Variants in NALF1 observed in about 807,000 individuals in gnomAD.
NALF1 encodes family with sequence similarity 155 member A.
In NALF1, 3 loss-of-function variants were observed where a neutral mutation model predicts 48.4. That is an observed-to-expected ratio of 0.06 (90% CI 0.03 to 0.16). The LOEUF (loss-of-function observed/expected upper bound fraction) is 0.16, where lower values mean the gene tolerates loss of function less well. NALF1 is among the 10% of genes least tolerant of loss of function. NALF1 has a pLI of 1.00. For synonymous variants in NALF1, 262 were observed against 245.7 expected (o/e 1.07, Z -0.62); for missense variants, 526 against 571.5 (o/e 0.92, Z 0.81).
intron 1 of NALF1, among the ~76,000 whole-genome samples, chr13:107,608,456 T>C (rs1462099960): frequency 3.3e-5 from 5 of 152,186 alleles, no homozygotes; most frequent in Non-Finnish European, 7.3e-5. Flanking sequence ...AAAATAAATA[T>C]TGTTTTTAAG....
intron 1 of NALF1, among the ~76,000 whole-genome samples, chr13:107,540,224 G>T (rs1310400134): frequency 6.6e-6 from 1 of 152,148 alleles, no homozygotes; most frequent in East Asian, 1.9e-4. Flanking sequence ...GTAGGAATAG[G>T]ATTTTACATG....
At chr13:107,537,521 G>T (rs1876863845) in intron 1 of NALF1, among the ~76,000 whole-genome samples, 2 of 152,026 alleles carry the variant, frequency 1.3e-5, no homozygotes, top group African/African-American at 2.4e-5. Flanking sequence ...TATTTTTACA[G>T]ATTCATGCTA....
At chr13:107,504,399 T>C (rs1594099045) in intron 1 of NALF1, among the ~76,000 whole-genome samples, 1 of 152,206 alleles carries the variant, frequency 6.6e-6, no homozygotes, top group Non-Finnish European at 1.5e-5. Flanking sequence ...TGTGGAGGGA[T>C]TTTTGTTAAG....
intron 1 of NALF1, among the ~76,000 whole-genome samples, chr13:107,279,176 T>G (rs933754988): frequency 6.6e-6 from 1 of 151,764 alleles, no homozygotes; most frequent in South Asian, 2.1e-4. Context: ...TCTCAAAACA[T>G]TCATCTACTC....
At chr13:107,685,743 C>A (rs1042304898) in intron 1 of NALF1, among the ~76,000 whole-genome samples, 1 of 152,156 alleles carries the variant, frequency 6.6e-6, no homozygotes, top group Admixed American at 6.5e-5. Flanking sequence ...TAATAAAGAG[C>A]AGCAACATGG....
Position 107,170,468 on chromosome 13 carries a change from C to G in NALF1, c.*29G>C. The G allele has an allele frequency of 6.4e-7, 1 of 1,555,506 alleles. No homozygotes were observed. Among genetic ancestry groups the G allele is most frequent in the Non-Finnish European group, 8.7e-7 (1 of 1,150,682 alleles). On this transcript the variant is annotated 3_prime_UTR_variant, in exon 3 of 3. Transcript: ENST00000375915. ...GTTGCCATTTTTCACGGCGGGCCAG[C>G]TGCTGCTGTGGTGACACTCGTCCTT...
intron 2 of NALF1, among the ~76,000 whole-genome samples, chr13:107,186,315 T>G (rs1301134422): frequency 6.6e-6 from 1 of 152,174 alleles, no homozygotes; most frequent in Non-Finnish European, 1.5e-5. Context: ...CTCCACTAAA[T>G]TTTTCCAACT....
At chr13:107,308,197 T>C (rs535854344) in intron 1 of NALF1, among the ~76,000 whole-genome samples, 1 of 132,134 alleles carries the variant, frequency 7.6e-6, no homozygotes, top group African/African-American at 2.6e-5. Flanking sequence ...TTTGTGTCTA[T>C]GCTTTTTTTT....
chr13:107,604,868 G>A (rs756440493), intron 1 of NALF1, among the ~76,000 whole-genome samples: 4 of 152,144 alleles, frequency 2.6e-5, no homozygotes, highest in African/African-American at 9.7e-5. Context: ...TGTTAGCCAT[G>A]AGATCGTGAT....
intron 1 of NALF1, among the ~76,000 whole-genome samples, chr13:107,716,581 A>G (rs1875827254): frequency 1.3e-5 from 2 of 152,184 alleles, no homozygotes. Flanking sequence ...CACATTTACA[A>G]ATCTTTACAG....
rs1052821226 is a variant in NALF1 at position 107,763,210 on chromosome 13, CG to C, written c.915+102471del. On this transcript the variant is annotated intron_variant, in intron 1 of 2. Transcript: ENST00000375915. ...ACAAAAATGAGAAAATCAATATCCC[CG>C]CAAGTAAAGGATATCCAGTTAAAGT... is the stretch of plus-strand genomic sequence containing the variant. Among the ~76,000 whole-genome samples the C allele has an allele frequency of 5.3e-5, 8 of 151,846 alleles. No homozygotes were observed. The East Asian group carries it at 1.5e-3, about 29-fold the overall frequency.
At chr13:107,628,941 G>A (rs1224023383) in intron 1 of NALF1, among the ~76,000 whole-genome samples, 4 of 152,026 alleles carry the variant, frequency 2.6e-5, no homozygotes, top group African/African-American at 9.7e-5. Flanking sequence ...CTCTCTTAGG[G>A]AATGCCTTTT....
chr13:107,207,164 A>AT (rs897621751), intron 2 of NALF1, among the ~76,000 whole-genome samples: 2 of 152,136 alleles, frequency 1.3e-5, no homozygotes, highest in African/African-American at 2.4e-5. Context: ...ACCTACTCTC[A>AT]TTTTTTTATT....
In NALF1 at chr13:107,229,718, C is replaced by A. The variant is rs537163444; in HGVS notation, c.916-18963G>T. On this transcript the variant is annotated intron_variant, in intron 1 of 2. Transcript: ENST00000375915. ...CCACCCTGACTCAGGGAGCAGAGAT[C>A]ATTAAGAACACATTTAAGTGCTTAA... Among the ~76,000 whole-genome samples, 17 of 152,252 alleles carry A rather than the reference C, an allele frequency of 1.1e-4. No individual in the cohort carries two copies. The South Asian group carries it at 2.3e-3, about 20-fold the overall frequency.
intron 1 of NALF1, among the ~76,000 whole-genome samples, chr13:107,368,859 T>C (rs1403220733): frequency 6.6e-6 from 1 of 152,244 alleles, no homozygotes; most frequent in African/African-American, 2.4e-5. Context: ...GTTCCCTTTA[T>C]GATATGGATC....
chr13:107,298,634 G>A (rs1881773542), intron 1 of NALF1, among the ~76,000 whole-genome samples: 1 of 151,862 alleles, frequency 6.6e-6, no homozygotes, highest in South Asian at 2.1e-4. Flanking sequence ...GTTTCACCAT[G>A]GTGGTCAGGC....
At chr13:107,227,828 C>T (rs1181653678) in intron 1 of NALF1, among the ~76,000 whole-genome samples, 2 of 152,118 alleles carry the variant, frequency 1.3e-5, no homozygotes, top group Non-Finnish European at 2.9e-5. Context: ...AACCGAATCT[C>T]ATAGGATTTT....
intron 1 of NALF1, among the ~76,000 whole-genome samples, chr13:107,254,532 C>G (rs9520346): frequency 0.88 from 134,367 of 152,094 alleles, 60,225 homozygotes; most frequent in Non-Finnish European, 0.96. Flanking sequence ...GGGGAATGGT[C>G]ATTTCTATAG....
chr13:107,719,464 G>A (rs920669663), intron 1 of NALF1, among the ~76,000 whole-genome samples: 3 of 151,594 alleles, frequency 2.0e-5, no homozygotes, highest in Non-Finnish European at 4.4e-5. Flanking sequence ...TGACACAATC[G>A]TGCTTCCCCT....
Sources: allele counts gnomAD v4.1 joint callset (sites outside exome capture counted in the v4.1 genomes callset), GRCh38; gene constraint gnomAD v4.1.1; transcripts MANE v1.5; gene names NCBI Gene and HGNC (gene_info 2026-07-23, HGNC 2026-07-21).